LARP4: variants seen among roughly 807,000 people sequenced by gnomAD.
LARP4 encodes la-related protein 4.
LARP4 carries 29 observed loss-of-function variants against 92.9 expected under a neutral mutation model. That is an observed-to-expected ratio of 0.31 (90% CI 0.23 to 0.43). LARP4 has a LOEUF of 0.43. LARP4 is among the 20% of genes least tolerant of loss of function. The probability of loss-of-function intolerance (pLI) is 1.00; values close to 1 mark genes in which losing one functional copy is unlikely to be tolerated. For missense variants in LARP4, 732 were observed against 860.0 expected (o/e 0.85, Z 1.86); for synonymous variants, 279 against 284.1 (o/e 0.98, Z 0.18).
At chr12:50,471,491 A>G (rs1316745610) in intron 13 of LARP4, among the ~76,000 whole-genome samples, 2 of 152,202 alleles carry the variant, frequency 1.3e-5, no homozygotes, top group Admixed American at 1.3e-4. Flanking sequence ...TCTAGGATTT[A>G]TACATCAGCT....
At chr12:50,425,583 CTTGAGT>C (rs1204715591) in intron 1 of LARP4, among the ~76,000 whole-genome samples, 1 of 152,170 alleles carries the variant, frequency 6.6e-6, no homozygotes, top group African/African-American at 2.4e-5. Context: ...ACCCAAAGAG[CTTGAGT>C]TTATCACCCT....
chr12:50,443,274 T>C (rs1367019821), intron 8 of LARP4, among the ~76,000 whole-genome samples: 1 of 152,156 alleles, frequency 6.6e-6, no homozygotes, highest in Non-Finnish European at 1.5e-5. Flanking sequence ...TTTTGTTTTG[T>C]TTTGTTTTTG....
chr12:50,464,486 G>A (rs6580753), intron 12 of LARP4, among the ~76,000 whole-genome samples: 107,989 of 152,042 alleles, frequency 0.71, 44,314 homozygotes, highest in Non-Finnish European at 0.93. Context: ...CTGACTCCCG[G>A]GTTCAAGCAG....
intron 1 of LARP4, among the ~76,000 whole-genome samples, chr12:50,418,587 TTTTTTAAGTA>T (rs1947236155): frequency 6.6e-6 from 1 of 152,132 alleles, no homozygotes; most frequent in Non-Finnish European, 1.5e-5. Context: ...GCCTCGCTAA[TTTTTTAAGTA>T]TTTTGTAGAG....
chr12:50,465,093 C>T (rs1955966819), intron 12 of LARP4, among the ~76,000 whole-genome samples: 2 of 151,638 alleles, frequency 1.3e-5, no homozygotes, highest in Admixed American at 1.3e-4. Context: ...TGGCTCAGGC[C>T]AGGCGTGGTG....
Position 50,446,331 on chromosome 12 carries a change from C to G in LARP4, c.804+4688C>G, listed in dbSNP as rs1299902445. 2.4e-3 allele frequency among the ~76,000 whole-genome samples: 46 copies of G among 18,982 alleles called. 2 individuals carry two copies. The highest frequency in any genetic ancestry group is 9.7e-3 in the South Asian group (3 of 310). The allele number at this position is 18,982 out of a possible 152,430, so 12.5% of individuals were successfully genotyped here. ...AATTGCTGTTTTCTTGACTAGTGGTCTCTCTCTCTCCCTCTCTCTCTCTCT... is the reference window on the plus strand; with the variant it reads ...AATTGCTGTTTTCTTGACTAGTGGTGTCTCTCTCTCCCTCTCTCTCTCTCT... On this transcript the variant is annotated intron_variant, in intron 8 of 15. Transcript: ENST00000398473.
chr12:50,445,813 A>G (rs536346065), intron 8 of LARP4, among the ~76,000 whole-genome samples: 2 of 152,112 alleles, frequency 1.3e-5, no homozygotes, highest in Non-Finnish European at 2.9e-5. Flanking sequence ...CTTAATTTCA[A>G]TTTATTAGAA....
At chr12:50,408,440 G>C (rs573946412) in intron 1 of LARP4, among the ~76,000 whole-genome samples, 1 of 151,856 alleles carries the variant, frequency 6.6e-6, no homozygotes, top group Non-Finnish European at 1.5e-5. Flanking sequence ...CAGGTGATCC[G>C]CCCTCCTCGG....
At chr12:50,453,148 C>T (rs1452324127) in intron 8 of LARP4, among the ~76,000 whole-genome samples, 2 of 150,888 alleles carry the variant, frequency 1.3e-5, no homozygotes, top group Non-Finnish European at 2.9e-5. Context: ...CTCCTGGGCT[C>T]ATGCGATCCT....
chr12:50,412,135 A>T (rs1053281552), intron 1 of LARP4, among the ~76,000 whole-genome samples: 6 of 152,204 alleles, frequency 3.9e-5, no homozygotes, highest in African/African-American at 9.6e-5. Context: ...GATTAATTAG[A>T]TGTTCCATAA....
At chr12:50,464,677 G>C (rs1474172697) in intron 12 of LARP4, among the ~76,000 whole-genome samples, 1 of 151,490 alleles carries the variant, frequency 6.6e-6, no homozygotes, top group Non-Finnish European at 1.5e-5. Flanking sequence ...ACAGGCGTGA[G>C]CCATCGTGCC....
rs1356061796 is a variant in LARP4, at chr12:50,476,962, T to C, written c.*1098T>C. 6.6e-6 allele frequency: 1 copy of C among 152,304 alleles called. No individual in the cohort carries two copies. The highest frequency in any genetic ancestry group is 1.5e-5 in the Non-Finnish European group (1 of 68,036). 9.4% of individuals were successfully genotyped at this position (152,304 alleles called of 1,614,324 possible). On this transcript the variant is annotated 3_prime_UTR_variant, in exon 16 of 16. Transcript: ENST00000398473. The stretch of plus-strand genomic sequence containing the variant: ...CGTACAGTAATTTATTTGTCGTTAG[T>C]GTTAAAGATTAAGCATAGTAACTGA...
rs1304525922 is a variant in LARP4, at chr12:50,477,781, A to G, written c.*1917A>G. ...ATTGCCTACTAGGTGAAACATAACAATAAAACTACCTGTGCTGAAATTTGG... is the reference window on the plus strand; with the variant it reads ...ATTGCCTACTAGGTGAAACATAACAGTAAAACTACCTGTGCTGAAATTTGG... On this transcript the variant is annotated 3_prime_UTR_variant, in exon 16 of 16. Coordinates refer to ENST00000398473, the MANE Select transcript of LARP4 (RefSeq NM_052879.5). The G allele has an allele frequency of 1.3e-5, 2 of 152,552 alleles. No homozygotes were observed. The highest frequency in any genetic ancestry group is 2.9e-5 in the Non-Finnish European group (2 of 67,956). The allele number at this position is 152,552 out of a possible 1,614,324, so 9.4% of individuals were successfully genotyped here.
At chr12:50,472,786 T>G (rs1957067429) in intron 13 of LARP4, among the ~76,000 whole-genome samples, 1 of 152,040 alleles carries the variant, frequency 6.6e-6, no homozygotes, top group Non-Finnish European at 1.5e-5. Context: ...GTGCTGGAAT[T>G]ACAGTCATGA....
rs142500818 is a variant in LARP4 at position 50,450,779 on chromosome 12, G to A, written c.805-2681G>A. ...GCCTCCCAAAGTGCTAGGATTACAGGCATGAGCCATTGTGCCTGGCTGCCT... is the reference window on the plus strand; with the variant it reads ...GCCTCCCAAAGTGCTAGGATTACAGACATGAGCCATTGTGCCTGGCTGCCT... On this transcript the variant is annotated intron_variant, in intron 8 of 15. Transcript: ENST00000398473. Among the ~76,000 whole-genome samples, 387 of 152,292 alleles carry A rather than the reference G, an allele frequency of 2.5e-3. 3 individuals carry two copies. The highest frequency in any genetic ancestry group is 8.8e-3 in the African/African-American group (366 of 41,544).
chr12:50,447,891 G>A (rs1292137572), intron 8 of LARP4, among the ~76,000 whole-genome samples: 2 of 151,702 alleles, frequency 1.3e-5, no homozygotes, highest in Non-Finnish European at 2.9e-5. Context: ...TTTTTGAGAC[G>A]GAGTCTTGCC....
rs1241370522 is a variant in LARP4 at position 50,478,401 on chromosome 12, A to G, written c.*2537A>G. 6.6e-6 allele frequency: 1 copy of G among 151,998 alleles called. No individual in the cohort carries two copies. Among genetic ancestry groups the G allele is most frequent in the Non-Finnish European group, 1.5e-5 (1 of 67,910 alleles). The allele number at this position is 151,998 out of a possible 1,614,324, so 9.4% of individuals were successfully genotyped here. A position where few individuals can be genotyped will look rare whatever the true frequency, so the allele number is the denominator to read the frequency against. The stretch of plus-strand genomic sequence containing the variant: ...GCATTTATTTTATTACAGCAGATTT[A>G]AAGTTTGTATCTAAATAATGCCTAT... On this transcript the variant is annotated 3_prime_UTR_variant, in exon 16 of 16. Transcript: ENST00000398473.
intron 1 of LARP4, chr12:50,415,810 C>G (rs1446697530): frequency 6.6e-6 from 1 of 150,948 alleles, no homozygotes; most frequent in East Asian, 1.9e-4. Context: ...TGTCTCAGCT[C>G]TCCAAGTGGC....
chr12:50,410,627 A>G (rs998739150), intron 1 of LARP4, among the ~76,000 whole-genome samples: 3 of 149,748 alleles, frequency 2.0e-5, no homozygotes, highest in African/African-American at 7.4e-5. Context: ...GATGGTCTCG[A>G]TCTCCTGACC....
Sources: allele counts gnomAD v4.1 joint callset (sites outside exome capture counted in the v4.1 genomes callset), GRCh38; gene constraint gnomAD v4.1.1; transcripts MANE v1.5; gene names NCBI Gene and HGNC (gene_info 2026-07-23, HGNC 2026-07-21).